TMC6: variants seen among roughly 807,000 people sequenced by gnomAD.
TMC6 encodes transmembrane channel like 6.
TMC6 carries 71 observed loss-of-function variants against 95.4 expected under a neutral mutation model. That is an observed-to-expected ratio of 0.74 (90% CI 0.61 to 0.91). The LOEUF (loss-of-function observed/expected upper bound fraction) is 0.91, where lower values mean the gene tolerates loss of function less well. TMC6 is among the 40% of genes least tolerant of loss of function. The pLI, the probability that TMC6 is intolerant of heterozygous loss-of-function variation, is 0.00. For missense variants in TMC6, 1,074 were observed against 1,079.1 expected, an observed-to-expected ratio of 1.00 and a Z score of 0.07; for synonymous variants, 514 against 483.1, an observed-to-expected ratio of 1.06 and a Z score of -0.84.
upstream of TMC6, chr17:78,131,690 G>T: frequency 6.3e-7 from 1 of 1,577,708 alleles, no homozygotes; most frequent in East Asian, 2.3e-5. Context: ...GCTCTGGGAC[G>T]CCCGTGCGCG....
In TMC6 at chr17:78,113,195, C is replaced by T. The variant is rs1446851294; in HGVS notation, c.2371G>A (p.Glu791Lys). ...EERSRVGTTE[E>K]AAAPPALLTD... ...AGCAGGGCAGGGGGTGCCGCAGCCT[C>T]CTCGGTTGTCCCAACCCTGCCAGAA... The change falls in exon 20 of 20, where the codon GAG (glutamate) becomes AAG (lysine). Residue 791 changes from glutamate (E) to lysine (K), a missense_variant. Transcript: ENST00000590602. 1 of 1,556,900 alleles carries T rather than the reference C, an allele frequency of 6.4e-7. No homozygotes were observed.
intron 1 of TMC6, 115 bp from the exon 2 acceptor site, chr17:78,127,021 C>T (rs549608046): frequency 1.5e-6 from 1 of 680,572 alleles, no homozygotes; most frequent in South Asian, 1.7e-5. Flanking sequence ...ACAGTCCCGC[C>T]CACCCCCCTA....
In TMC6 at chr17:78,112,805, G is replaced by GCC; in HGVS notation, c.*341_*342dup. The GCC allele has an allele frequency of 2.5e-6, 1 of 394,448 alleles. No homozygotes were observed. The highest frequency in any genetic ancestry group is 4.6e-6 in the Non-Finnish European group (1 of 216,558). The allele number at this position is 394,448 out of a possible 1,614,324, so 24.4% of individuals were successfully genotyped here. A position where few individuals can be genotyped will look rare whatever the true frequency, so the allele number is the denominator to read the frequency against. ...ATCTGGGGCTTGGCCAGCAGAGGGC[G>GCC]CCCCCACTCCAGCTGAGGTTCCCAG... is the stretch of plus-strand genomic sequence containing the variant. On this transcript the variant is annotated 3_prime_UTR_variant, in exon 20 of 20. Transcript: ENST00000590602.
At chr17:78,115,349 G>A (rs2031335679) in intron 18 of TMC6, among the ~76,000 whole-genome samples, 1 of 152,296 alleles carries the variant, frequency 6.6e-6, no homozygotes. Flanking sequence ...TGTGGAGCAT[G>A]CCTAAGGACA....
Position 78,121,196 on chromosome 17 carries a change from GC to G in TMC6, c.1384-33del. 6.4e-7 allele frequency: 1 copy of G among 1,559,418 alleles called. No individual in the cohort carries two copies. Among genetic ancestry groups the G allele is most frequent in the South Asian group, 1.2e-5 (1 of 85,816 alleles). On this transcript the variant is annotated intron_variant, in intron 11 of 19. Coordinates refer to ENST00000590602, the MANE Select transcript of TMC6 (RefSeq NM_001127198.5). This position sits in a 1 kb window ranked among gnomAD's most constrained non-coding sequence, Gnocchi z 5.6. The stretch of plus-strand genomic sequence containing the variant: ...GGGTGCAGGGAGCGGTGTCATGGAA[GC>G]CCCCCATCCATGGTGGGAGCGGGCA...
In TMC6 at chr17:78,121,471, G is replaced by A; in HGVS notation, c.1383+85C>T. On this transcript the variant is annotated intron_variant, in intron 11 of 19. Coordinates refer to ENST00000590602, the MANE Select transcript of TMC6 (RefSeq NM_001127198.5). This position sits in a 1 kb window ranked among gnomAD's most constrained non-coding sequence, Gnocchi z 5.6. ...GGGCTGGCTGGGTGGAGGAGGAGAG[G>A]CAAGGCTGCCTCCCCAGGGGGCAGG... 1 of 1,592,076 alleles carries A rather than the reference G, an allele frequency of 6.3e-7. No homozygotes were observed. The highest frequency in any genetic ancestry group is 8.5e-7 in the Non-Finnish European group (1 of 1,170,904).
At chr17:78,115,852 G>A (rs1317358350) in intron 18 of TMC6, among the ~76,000 whole-genome samples, 5 of 65,284 alleles carry the variant, frequency 7.7e-5, no homozygotes, top group African/African-American at 2.8e-4. Flanking sequence ...GCACAGGGGC[G>A]AAGGGAGTGG....
At position 78,122,584 on chromosome 17, in the gene TMC6, TG is replaced by T. The variant is rs1250602572; in HGVS notation, c.1227+20del. 5.6e-6 allele frequency: 9 copies of T among 1,606,696 alleles called. No individual in the cohort carries two copies. Among genetic ancestry groups the T allele is most frequent in the African/African-American group, 5.3e-5 (4 of 75,028 alleles). On this transcript the variant is annotated intron_variant, in intron 10 of 19. Transcript: ENST00000590602. This position sits in a 1 kb window ranked among gnomAD's most constrained non-coding sequence, Gnocchi z 4.9. The stretch of plus-strand genomic sequence containing the variant: ...CTGCAGGGAGCTGGGCAGGCCAGCT[TG>T]GTGCTCCGGGGCCACTCACCTTCAG...
chr17:78,109,911 A>G lies in TMC6; in HGVS notation c.*3237T>C, dbSNP rs2073791577. 1 of 247,888 alleles carries G rather than the reference A, an allele frequency of 4.0e-6. No individual in the cohort carries two copies. Among genetic ancestry groups the G allele is most frequent in the Admixed American group, 5.2e-5 (1 of 19,410 alleles). 15.4% of individuals were successfully genotyped at this position (247,888 alleles called of 1,614,324 possible). On this transcript the variant is annotated 3_prime_UTR_variant, in exon 20 of 20. Coordinates refer to ENST00000590602, the MANE Select transcript of TMC6 (RefSeq NM_001127198.5). ...GAGAAACCCTGTCTCTACTAAAAATACAAAATTAGCTGGGCATGGTAGCAC... is the reference window on the plus strand; with the variant it reads ...GAGAAACCCTGTCTCTACTAAAAATGCAAAATTAGCTGGGCATGGTAGCAC...
chr17:78,116,229 G>A (rs575252197), intron 18 of TMC6, among the ~76,000 whole-genome samples: 12 of 151,194 alleles, frequency 7.9e-5, no homozygotes, highest in East Asian at 2.0e-4. Flanking sequence ...TGCTCACCTC[G>A]GCCTCCCAAA....
rs114964692 is a variant in TMC6 at position 78,112,437 on chromosome 17, G to A, written c.*711C>T. The A allele has an allele frequency of 0.024, 3,957 of 164,798 alleles. 176 individuals are homozygous for A. The highest frequency in any genetic ancestry group is 0.091 in the African/African-American group (3,776 of 41,636). The allele number at this position is 164,798 out of a possible 1,614,324, so 10.2% of individuals were successfully genotyped here. On this transcript the variant is annotated 3_prime_UTR_variant, in exon 20 of 20. Coordinates refer to ENST00000590602, the MANE Select transcript of TMC6 (RefSeq NM_001127198.5). ...TCAAACTCAGCCCAGTCAGACCCAG[G>A]ATCACCACCCCCCAGCCAGCTGCTG...
At chr17:78,120,265 T>G (rs897562824) in intron 13 of TMC6, 3 of 367,198 alleles carry the variant, frequency 8.2e-6, no homozygotes, top group Admixed American at 7.2e-5. Flanking sequence ...GTTCAAGCGA[T>G]TCTCATGCCT....
Position 78,117,813 on chromosome 17 carries a change from G to A in TMC6, c.2010C>T (p.Tyr670=), listed in dbSNP as rs144712080. ...AFLGAAVFLC[Y]AVWQVKPSST... ...CCCGCCCCACTCACTGCCAGACGGC[G>A]TAGCAGAGGAAGACAGCGGCGCCCA... The change falls in exon 16 of 20, where the codon TAC becomes TAT. Residue 670 remains tyrosine, a synonymous_variant. Transcript: ENST00000590602. 4.0e-5 allele frequency: 64 copies of A among 1,607,194 alleles called. No individual in the cohort carries two copies. Among genetic ancestry groups the A allele is most frequent in the Non-Finnish European group, 4.9e-5 (58 of 1,177,078 alleles).
rs1288055256 is a variant in TMC6 at position 78,124,582 on chromosome 17, G to A, written c.833C>T (p.Pro278Leu). The change falls in exon 8 of 20, where the codon CCA (proline) becomes CTA (leucine). Residue 278 changes from proline to leucine, a missense_variant. Physicochemically the swap from Pro to Leu is moderately conservative, Grantham distance 98. Transcript: ENST00000590602. ...GGGGGCAGGGCCCGGCAGGGCGGGT[G>A]GGAAGGCGACCTGAGGGCCCATGAT... ...AFIMGPQVAFPPALPGPAPVC... is the reference protein window; with the variant it reads ...AFIMGPQVAFLPALPGPAPVC... The A allele has an allele frequency of 6.2e-7, 1 of 1,612,206 alleles. No homozygotes were observed.
At position 78,124,922 on chromosome 17, in the gene TMC6, G is replaced by A; in HGVS notation, c.600C>T (p.Ser200=). Residue 200 remains serine (S), a synonymous_variant, in exon 7 of 20, where the codon TCC becomes TCT. Coordinates refer to ENST00000590602, the MANE Select transcript of TMC6 (RefSeq NM_001127198.5). ...RGQPGSGGVC[S]CCGRLRYACV... ...AGGCATATCTGAGCCGGCCACAGCAGGAGCAGACCCCGCCGCTGCCCGGCT... is the reference window on the plus strand; with the variant it reads ...AGGCATATCTGAGCCGGCCACAGCAAGAGCAGACCCCGCCGCTGCCCGGCT... 6.3e-7 allele frequency: 1 copy of A among 1,599,150 alleles called. No individual in the cohort carries two copies. Among genetic ancestry groups the A allele is most frequent in the East Asian group, 2.2e-5 (1 of 44,456 alleles).
intron 18 of TMC6, among the ~76,000 whole-genome samples, chr17:78,115,679 G>GGGACCAGCTGCCGGGTGGACAGTACTCCT (rs1567983010): frequency 5.3e-5 from 6 of 113,362 alleles, no homozygotes; most frequent in South Asian, 3.5e-4. Flanking sequence ...AGTGGGCACA[G>GGGACCAGCTGCCGGGTGGACAGTACTCCT]GGGCGAAGGG....
At position 78,112,710 on chromosome 17, in the gene TMC6, TCCTG is replaced by T; in HGVS notation, c.*434_*437del. 4.1e-6 allele frequency: 1 copy of T among 244,990 alleles called. No individual in the cohort carries two copies. Among genetic ancestry groups the T allele is most frequent in the Non-Finnish European group, 8.1e-6 (1 of 123,932 alleles). The allele number at this position is 244,990 out of a possible 1,614,324, so 15.2% of individuals were successfully genotyped here. On this transcript the variant is annotated 3_prime_UTR_variant, in exon 20 of 20. Transcript: ENST00000590602. ...GCTCACTTGTGCAGGTGTAAGCCCC[TCCTG>T]GGCGCGAGTTCAGGCTGGTCAAAGG...
At chr17:78,113,330 G>GA in intron 19 of TMC6, 119 bp from the exon 20 acceptor site, 1 of 1,306,664 alleles carries the variant, frequency 7.7e-7, no homozygotes, top group Non-Finnish European at 1.1e-6. Flanking sequence ...TTTCTCCTGA[G>GA]ATGTATTTTA....
intron 9 of TMC6, among the ~76,000 whole-genome samples, chr17:78,123,666 A>ATGGATGGGTGGGTGAATTGAGTGGG (rs1341495567): frequency 1.5e-3 from 155 of 101,282 alleles, no homozygotes; most frequent in African/African-American, 5.5e-3. Flanking sequence ...GGGTGGGTAG[A>ATGGATGGGTGGGTGAATTGAGTGGG]TGGATGGGTG....
Sources: allele counts gnomAD v4.1 joint callset (sites outside exome capture counted in the v4.1 genomes callset), GRCh38; gene constraint gnomAD v4.1.1; non-coding constraint Gnocchi (gnomAD v3.1); transcripts MANE v1.5; gene names NCBI Gene and HGNC (gene_info 2026-07-23, HGNC 2026-07-21).